ARHGAP29: variants seen among roughly 807,000 people sequenced by gnomAD.
ARHGAP29 encodes Rho GTPase activating protein 29, also known as rho GTPase-activating protein 29.
ARHGAP29 carries 43 observed loss-of-function variants against 122.6 expected under a neutral mutation model. The observed-to-expected ratio is 0.35, with a 90% CI of 0.27 to 0.45. The LOEUF (loss-of-function observed/expected upper bound fraction) is 0.45, where lower values mean the gene tolerates loss of function less well. ARHGAP29 is among the 20% of genes least tolerant of loss of function. ARHGAP29 has a pLI of 1.00. For synonymous variants in ARHGAP29, 506 were observed against 497.1 expected, an observed-to-expected ratio of 1.02 and a Z score of -0.24; for missense variants, 1,303 against 1,477.2, an observed-to-expected ratio of 0.88 and a Z score of 1.93.
chr1:94,274,117 C>T (rs745618879), intron 1 of ARHGAP29, among the ~76,000 whole-genome samples: 5 of 152,186 alleles, frequency 3.3e-5, no homozygotes, highest in Non-Finnish European at 5.9e-5. Flanking sequence ...ACCTGTCACA[C>T]AGTCAGTTCC....
In ARHGAP29 at chr1:94,209,021, C is replaced by T. The variant is rs1651402981; in HGVS notation, c.438-117G>A. 3 of 988,688 alleles carry T rather than the reference C, an allele frequency of 3.0e-6. No individual in the cohort carries two copies. In the South Asian group the frequency reaches 4.9e-5, roughly 16 times the overall value. The allele number at this position is 988,688 out of a possible 1,614,324, so 61.2% of individuals were successfully genotyped here. On this transcript the variant is annotated intron_variant, in intron 4 of 22. Transcript: ENST00000260526. ...AAAATAAGAACCTTAGAAATAAACCCCTAGGAATCTGTTCACATAAACCAC... is the reference window on the plus strand; with the variant it reads ...AAAATAAGAACCTTAGAAATAAACCTCTAGGAATCTGTTCACATAAACCAC...
rs1052984169 is a variant in ARHGAP29, at chr1:94,171,620, C to A, written c.*2249G>T. On this transcript the variant is annotated 3_prime_UTR_variant, in exon 23 of 23. Coordinates refer to ENST00000260526, the MANE Select transcript of ARHGAP29 (RefSeq NM_004815.4). ...CACACTGTGGATCCTCTAGAAATAGCAACCTCTTCTCAAGAGATACTTGCC... is the reference window on the plus strand; with the variant it reads ...CACACTGTGGATCCTCTAGAAATAGAAACCTCTTCTCAAGAGATACTTGCC... The A allele has an allele frequency of 1.3e-5, 2 of 152,178 alleles. No homozygotes were observed. Among genetic ancestry groups the A allele is most frequent in the Non-Finnish European group, 2.9e-5 (2 of 68,044 alleles). The allele number at this position is 152,178 out of a possible 1,614,324, so 9.4% of individuals were successfully genotyped here.
intron 1 of ARHGAP29, among the ~76,000 whole-genome samples, chr1:94,248,612 A>G (rs890740471): frequency 6.6e-6 from 1 of 152,250 alleles, no homozygotes; most frequent in African/African-American, 2.4e-5. Context: ...AATATTTTTC[A>G]AAAAGATTAA....
chr1:94,205,651 G>A lies in ARHGAP29; in HGVS notation c.543C>T (p.Asp181=), dbSNP rs1651145200. The A allele has an allele frequency of 6.2e-7, 1 of 1,612,380 alleles. No individual in the cohort carries two copies. The highest frequency in any genetic ancestry group is 1.1e-5 in the South Asian group (1 of 90,738). Residue 181 remains aspartate, a synonymous_variant, in exon 6 of 23, where the codon GAC becomes GAT. Transcript: ENST00000260526. ...GAGCATTACCTTTTTCACTGGATGA[G>A]TCCACTGATTCCACAGAAACATTTT... is the stretch of plus-strand genomic sequence containing the variant. ...SFENVSVESV[D]SSSEKGNFSP... is the part of the protein sequence containing the mutation.
chr1:94,266,629 G>C (rs1391228271), intron 1 of ARHGAP29, among the ~76,000 whole-genome samples: 5 of 152,088 alleles, frequency 3.3e-5, no homozygotes, highest in Non-Finnish European at 5.9e-5. Context: ...GAGAGGCTGG[G>C]AGAACCAACT....
chr1:94,197,026 C>A (rs1650520081), intron 12 of ARHGAP29, among the ~76,000 whole-genome samples: 1 of 151,700 alleles, frequency 6.6e-6, no homozygotes, highest in Non-Finnish European at 1.5e-5. Context: ...GAATAAAATG[C>A]AGAAATCAGT....
At chr1:94,211,387 C>T (rs114022753) in intron 3 of ARHGAP29, among the ~76,000 whole-genome samples, 1,478 of 131,448 alleles carry the variant, frequency 0.011, 20 homozygotes, top group African/African-American at 0.038. Flanking sequence ...CAACAAAAAA[C>T]ACATAAATTC....
At chr1:94,177,807 A>T (rs1293958925) in intron 21 of ARHGAP29, 45 bp downstream of exon 21, 2 of 1,548,132 alleles carry the variant, frequency 1.3e-6, no homozygotes, top group Non-Finnish European at 1.7e-6. Flanking sequence ...TTATTAACAT[A>T]AATATTACAA....
rs573987122 is a variant in ARHGAP29, at chr1:94,236,783, AAC to A, written c.-33+630_-33+631del. Among the ~76,000 whole-genome samples the A allele has an allele frequency of 6.2e-3, 951 of 152,270 alleles. 5 individuals are homozygous for A. Among genetic ancestry groups the A allele is most frequent in the Non-Finnish European group, 0.011 (715 of 68,018 alleles). ...GGAAAACTCTCAACGAAACCCAAAA[AAC>A]ACAGACCAGGAGAAAATGCACCACG... On this transcript the variant is annotated intron_variant, in intron 1 of 22. Transcript: ENST00000260526.
chr1:94,258,676 G>C (rs1654451797), intron 1 of ARHGAP29, among the ~76,000 whole-genome samples: 1 of 152,176 alleles, frequency 6.6e-6, no homozygotes, highest in African/African-American at 2.4e-5. Flanking sequence ...CAAGGCCTTA[G>C]TAATGATTAT....
intron 1 of ARHGAP29, among the ~76,000 whole-genome samples, chr1:94,268,248 T>G (rs757088498): frequency 1.3e-5 from 2 of 152,164 alleles, no homozygotes; most frequent in Non-Finnish European, 2.9e-5. Flanking sequence ...GATATCCGCT[T>G]TACTAAGTCC....
intron 2 of ARHGAP29, among the ~76,000 whole-genome samples, chr1:94,226,763 T>C (rs1004356172): frequency 6.6e-6 from 1 of 151,900 alleles, no homozygotes; most frequent in Non-Finnish European, 1.5e-5. Flanking sequence ...ATTCATTTCA[T>C]AACTTCTAGT....
At chr1:94,219,053 T>C (rs1454202496) in intron 3 of ARHGAP29, among the ~76,000 whole-genome samples, 4 of 152,126 alleles carry the variant, frequency 2.6e-5, no homozygotes, top group Admixed American at 2.6e-4. Context: ...TTTCCTTTCC[T>C]CATTCAGCCT....
At chr1:94,263,677 A>C (rs1242866423) in intron 1 of ARHGAP29, among the ~76,000 whole-genome samples, 1 of 152,240 alleles carries the variant, frequency 6.6e-6, no homozygotes, top group Non-Finnish European at 1.5e-5. Flanking sequence ...ACTATCCGTG[A>C]TAGTGACTAT....
chr1:94,254,421 T>C (rs1654245018), intron 1 of ARHGAP29, among the ~76,000 whole-genome samples: 1 of 152,200 alleles, frequency 6.6e-6, no homozygotes, highest in African/African-American at 2.4e-5. Flanking sequence ...GGAGAACAGA[T>C]AGAATGGCAA....
At chr1:94,184,385 C>G (rs1649662935) in intron 18 of ARHGAP29, 97 bp from the exon 19 acceptor site, 3 of 876,484 alleles carry the variant, frequency 3.4e-6, no homozygotes, top group African/African-American at 1.8e-5. Context: ...TCTTTTCACT[C>G]TATTTCAAAT....
intron 1 of ARHGAP29, among the ~76,000 whole-genome samples, chr1:94,262,652 C>G (rs996107221): frequency 2.0e-5 from 3 of 152,064 alleles, no homozygotes; most frequent in Non-Finnish European, 2.9e-5. Context: ...TGAAAAAAAG[C>G]TTAACATCAC....
intron 1 of ARHGAP29, among the ~76,000 whole-genome samples, chr1:94,246,237 A>G (rs1653789455): frequency 6.6e-6 from 1 of 152,220 alleles, no homozygotes; most frequent in South Asian, 2.1e-4. Flanking sequence ...GCATTTTGAA[A>G]TAAGCATTTC....
intron 2 of ARHGAP29, among the ~76,000 whole-genome samples, chr1:94,222,539 C>G (rs1311568586): frequency 1.3e-5 from 2 of 152,120 alleles, no homozygotes; most frequent in Non-Finnish European, 2.9e-5. Flanking sequence ...TCTAATCAAG[C>G]GCCATCCTGC....
Sources: allele counts gnomAD v4.1 joint callset (sites outside exome capture counted in the v4.1 genomes callset), GRCh38; gene constraint gnomAD v4.1.1; transcripts MANE v1.5; gene names NCBI Gene and HGNC (gene_info 2026-07-23, HGNC 2026-07-21).